EBF1: variants seen among roughly 807,000 people sequenced by gnomAD.
EBF1 encodes the protein transcription factor COE1.
In EBF1, 10 loss-of-function variants were observed where a neutral mutation model predicts 68.4. The ratio of observed to expected loss-of-function variants is 0.15; its 90% CI spans 0.09 to 0.25. The LOEUF (loss-of-function observed/expected upper bound fraction) is 0.25. EBF1 is among the 10% of genes least tolerant of loss of function. The probability of loss-of-function intolerance (pLI) is 1.00; values close to 1 mark genes in which losing one functional copy is unlikely to be tolerated. For synonymous variants in EBF1, 298 were observed against 299.8 expected (o/e 0.99, Z 0.06); for missense variants, 509 against 794.4 (o/e 0.64, Z 4.32).
intron 6 of EBF1, among the ~76,000 whole-genome samples, chr5:158,933,575 A>G (rs939712579): frequency 6.6e-6 from 1 of 152,230 alleles, no homozygotes; most frequent in Non-Finnish European, 1.5e-5. Flanking sequence ...GAATCTTTTC[A>G]AAGCTATGAG....
chr5:158,860,411 C>T (rs973182864), intron 6 of EBF1, among the ~76,000 whole-genome samples: 1 of 152,158 alleles, frequency 6.6e-6, no homozygotes, highest in Admixed American at 6.5e-5. Flanking sequence ...AAGGTATTCA[C>T]ATATGTGTGA....
chr5:158,726,503 T>C (rs1763013672), intron 11 of EBF1, among the ~76,000 whole-genome samples: 2 of 152,208 alleles, frequency 1.3e-5, no homozygotes, highest in South Asian at 4.1e-4. Context: ...TAAAGTAATG[T>C]GTATTTATTA....
Position 158,847,151 on chromosome 5 carries a change from G to A in EBF1, c.555-7041C>T, listed in dbSNP as rs1056828179. ...GTTCTCAGCCTGAAGGGATGAACAT[G>A]ATCAACCTGAAAAGCATTCATTACC... On this transcript the variant is annotated intron_variant, in intron 6 of 15. Coordinates refer to ENST00000313708, the MANE Select transcript of EBF1 (RefSeq NM_024007.5). Among the ~76,000 whole-genome samples, 9 of 152,298 alleles carry A rather than the reference G, an allele frequency of 5.9e-5. No homozygotes were observed. In the South Asian group the frequency reaches 1.7e-3, roughly 28 times the overall value.
At chr5:158,791,522 C>T (rs562454367) in intron 9 of EBF1, among the ~76,000 whole-genome samples, 68 of 152,184 alleles carry the variant, frequency 4.5e-4, no homozygotes, top group South Asian at 2.1e-3. Context: ...CCCATGCAAT[C>T]TCAACCCTTG....
At chr5:158,965,355 G>GA (rs34588832) in intron 6 of EBF1, among the ~76,000 whole-genome samples, 25,608 of 151,732 alleles carry the variant, frequency 0.17, 2,507 homozygotes, top group African/African-American at 0.27. Context: ...GGTTATTTGG[G>GA]AAAAAAAATG....
At chr5:158,933,864 T>C (rs1811408524) in intron 6 of EBF1, among the ~76,000 whole-genome samples, 1 of 152,200 alleles carries the variant, frequency 6.6e-6, no homozygotes, top group Non-Finnish European at 1.5e-5. Flanking sequence ...ATGAATAAAT[T>C]GAAAGCACAG....
intron 6 of EBF1, among the ~76,000 whole-genome samples, chr5:158,936,600 A>G (rs1812070387): frequency 6.6e-6 from 1 of 152,200 alleles, no homozygotes. Flanking sequence ...TTGCAAGCTC[A>G]CAATCCACAA....
At chr5:158,724,289 G>T (rs1376608949) in intron 11 of EBF1, among the ~76,000 whole-genome samples, 1 of 152,072 alleles carries the variant, frequency 6.6e-6, no homozygotes, top group Non-Finnish European at 1.5e-5. Context: ...AATGTTAATC[G>T]AGTTTCCTCA....
chr5:158,929,560 C>A (rs1024191192), intron 6 of EBF1, among the ~76,000 whole-genome samples: 1 of 152,090 alleles, frequency 6.6e-6, no homozygotes, highest in Non-Finnish European at 1.5e-5. Context: ...AGCACAAGAC[C>A]CTTCATAATT....
intron 6 of EBF1, among the ~76,000 whole-genome samples, chr5:159,003,555 A>G (rs1392703268): frequency 6.6e-6 from 1 of 152,188 alleles, no homozygotes; most frequent in African/African-American, 2.4e-5. Context: ...AAGACCTTGG[A>G]TGATTTCCTC....
Position 159,099,561 on chromosome 5 carries a change from G to T in EBF1, c.-83C>A. 8.0e-7 allele frequency: 1 copy of T among 1,243,948 alleles called. No individual in the cohort carries two copies. 77.1% of individuals were successfully genotyped at this position (1,243,948 alleles called of 1,614,324 possible). A position where few individuals can be genotyped will look rare whatever the true frequency, so the allele number is the denominator to read the frequency against. ...AAAAAAGGAAAGAAAAGAAAGAAAA[G>T]AAAAGAAACAAAAACGCCAACCAGA... On this transcript the variant is annotated 5_prime_UTR_variant, in exon 1 of 16. Transcript: ENST00000313708.
At chr5:158,883,352 A>G (rs1039305104) in intron 6 of EBF1, among the ~76,000 whole-genome samples, 1 of 150,018 alleles carries the variant, frequency 6.7e-6, no homozygotes, top group Non-Finnish European at 1.5e-5. Context: ...ATGCATGTAT[A>G]TATATATATA....
At chr5:158,879,345 G>A (rs996299911) in intron 6 of EBF1, among the ~76,000 whole-genome samples, 4 of 152,168 alleles carry the variant, frequency 2.6e-5, no homozygotes, top group Non-Finnish European at 5.9e-5. Context: ...GAGTACATGC[G>A]TCAAGATGGG....
At chr5:158,904,934 G>C (rs992385937) in intron 6 of EBF1, among the ~76,000 whole-genome samples, 5 of 152,186 alleles carry the variant, frequency 3.3e-5, no homozygotes, top group Non-Finnish European at 7.3e-5. Flanking sequence ...ACTACAAGAA[G>C]TGTGTTGTAA....
At chr5:158,890,404 C>T (rs942429977) in intron 6 of EBF1, among the ~76,000 whole-genome samples, 6 of 152,206 alleles carry the variant, frequency 3.9e-5, no homozygotes, top group African/African-American at 1.4e-4. Flanking sequence ...AGCCACCAGC[C>T]ACTTCTACAT....
intron 6 of EBF1, among the ~76,000 whole-genome samples, chr5:158,947,534 C>A (rs1815041294): frequency 6.6e-6 from 1 of 152,228 alleles, no homozygotes; most frequent in Non-Finnish European, 1.5e-5. Context: ...ACTGTCTAAC[C>A]AATCCCAATG....
chr5:158,846,418 A>C (rs1791535616), intron 6 of EBF1, among the ~76,000 whole-genome samples: 1 of 152,188 alleles, frequency 6.6e-6, no homozygotes, highest in Non-Finnish European at 1.5e-5. Context: ...CTAAGAGTCT[A>C]AGGATTATCT....
At chr5:159,053,338 T>C (rs1774160141) in intron 6 of EBF1, among the ~76,000 whole-genome samples, 1 of 152,200 alleles carries the variant, frequency 6.6e-6, no homozygotes, top group African/African-American at 2.4e-5. Context: ...TGTGGCTTCA[T>C]AAATGGTTAG....
intron 6 of EBF1, among the ~76,000 whole-genome samples, chr5:158,878,645 T>TC (rs1798243046): frequency 4.3e-3 from 1 of 232 alleles, no homozygotes; most frequent in East Asian, 0.12. Context: ...CTAGCCAGCC[T>TC]TTTTTTTTTT....
Sources: gnomAD v4.1 joint callset for allele counts (sites outside exome capture counted in the v4.1 genomes callset) on GRCh38, gnomAD v4.1.1 for gene constraint, MANE v1.5 for transcripts, NCBI Gene and HGNC (gene_info 2026-07-23, HGNC 2026-07-21) for gene names.